The following WDR74 variants were observed in gnomAD, a reference collection of about 807,000 sequenced individuals.
WDR74 encodes the protein WD repeat domain 74.
Under a neutral mutation model 45.6 loss-of-function variants are expected in WDR74, and 31 were observed. The observed-to-expected ratio is 0.68, with a 90% CI of 0.51 to 0.92. The LOEUF (loss-of-function observed/expected upper bound fraction) is 0.92. Ranked by LOEUF, WDR74 falls within the 40% of genes least tolerant of loss-of-function variation. The pLI is 0.00. For synonymous variants in WDR74, 191 were observed against 192.4 expected (o/e 0.99, Z 0.06); for missense variants, 455 against 497.2 (o/e 0.92, Z 0.81).
chr11:62,835,524 A>G lies in WDR74; in HGVS notation c.525T>C (p.Asn175=). The change falls in exon 6 of 11, where the codon AAT becomes AAC. Residue 175 remains asparagine, a synonymous_variant. Coordinates refer to ENST00000278856, the MANE Select transcript of WDR74 (RefSeq NM_001369450.1). ...EPVFRAKNVR[N]DWLDLRVPIW... is the part of the protein sequence containing the mutation. ...TGGGAACCCGCAAGTCCAGCCAGTCATTCCGCACCTGGTGGGGTGGGCAGA... is the reference window on the plus strand; with the variant it reads ...TGGGAACCCGCAAGTCCAGCCAGTCGTTCCGCACCTGGTGGGGTGGGCAGA... 1 of 1,613,956 alleles carries G rather than the reference A, an allele frequency of 6.2e-7. No individual in the cohort carries two copies. Among genetic ancestry groups the G allele is most frequent in the Non-Finnish European group, 8.5e-7 (1 of 1,179,860 alleles).
upstream of WDR74, chr11:62,839,690 C>G (rs570299604): frequency 8.1e-7 from 1 of 1,236,778 alleles, no homozygotes; most frequent in East Asian, 2.5e-5. Flanking sequence ...AACAGTAAAG[C>G]TTCCATGCTT....
rs750187611 is a variant in WDR74 at position 62,839,332 on chromosome 11, C to T, written c.161G>A (p.Gly54Asp). 8.7e-6 allele frequency: 14 copies of T among 1,610,804 alleles called. No homozygotes were observed. In the South Asian group the frequency reaches 1.5e-4, roughly 18 times the overall value. ...CCAGGGGCCACTCACCTGGGTCTCG[C>T]CGCCGGTGCCCCAACACAGGGCGCT... is the stretch of plus-strand genomic sequence containing the variant. ...AVSALCWGTG[G>D]ETQMLVGCAD... is the part of the protein sequence containing the mutation. Residue 54 changes from glycine to aspartate, a missense_variant, in exon 2 of 11, where the codon GGC becomes GAC. Physicochemically the swap from Gly to Asp is moderately conservative, Grantham distance 94 (BLOSUM62 -1). Coordinates refer to ENST00000278856, the MANE Select transcript of WDR74 (RefSeq NM_001369450.1).
intron 10 of WDR74, 79 bp downstream of exon 10, chr11:62,833,539 G>A: frequency 6.7e-7 from 1 of 1,497,972 alleles, no homozygotes; most frequent in Non-Finnish European, 9.1e-7. Flanking sequence ...CTGCATTCCA[G>A]CTGCCTCCTT....
At chr11:62,839,269 C>G (rs1243350672) in intron 2 of WDR74, 34 bp from the exon 3 acceptor site, 2 of 1,612,146 alleles carry the variant, frequency 1.2e-6, no homozygotes, top group African/African-American at 1.3e-5. Flanking sequence ...GCGAGGAGAG[C>G]GAGGCTGCTG....
chr11:62,840,402 G>C (rs906116601), upstream of WDR74: 1 of 151,686 alleles, frequency 6.6e-6, no homozygotes, highest in Non-Finnish European at 1.5e-5. Flanking sequence ...AGAATGGCGT[G>C]AACCCGGGAG....
Position 62,834,408 on chromosome 11 carries a change from T to A in WDR74, c.719+19A>T. ...TTCTCAAGCCCCACCCTCCCACCCC[T>A]TCCCCTCTAAACACTCACTTGCCTC... On this transcript the variant is annotated intron_variant, in intron 7 of 10. Coordinates refer to ENST00000278856, the MANE Select transcript of WDR74 (RefSeq NM_001369450.1). 3.3e-6 allele frequency: 1 copy of A among 299,064 alleles called. No homozygotes were observed. 18.5% of individuals were successfully genotyped at this position (299,064 alleles called of 1,614,324 possible). A position where few individuals can be genotyped will look rare whatever the true frequency, so the allele number is the denominator to read the frequency against.
chr11:62,835,365 G>A (rs989664750), intron 6 of WDR74, 66 bp downstream of exon 6: 10 of 1,463,456 alleles, frequency 6.8e-6, no homozygotes, highest in African/African-American at 4.2e-5. Flanking sequence ...GTGTCAAACC[G>A]TGGGGGCCAT....
intron 6 of WDR74, chr11:62,834,978 C>T (rs554897083): frequency 8.3e-5 from 18 of 216,208 alleles, no homozygotes; most frequent in African/African-American, 1.1e-4. Flanking sequence ...GACCCAGCCC[C>T]GCCCGTGTCT....
At chr11:62,841,709 A>G (rs1046137822), upstream of WDR74, 7 of 152,202 alleles carry the variant, frequency 4.6e-5, no homozygotes, top group South Asian at 2.1e-4. Flanking sequence ...TATTTCCAAA[A>G]ATCCATTTAA....
upstream of WDR74, chr11:62,839,757 A>G: frequency 1.4e-6 from 1 of 729,072 alleles, no homozygotes; most frequent in Admixed American, 3.1e-5. Flanking sequence ...TCGGAAGAAT[A>G]CATTGATCAT....
In WDR74 at chr11:62,834,661, T is replaced by C. The variant is rs76320591; in HGVS notation, c.619-134A>G. 4,434 of 736,892 alleles carry C rather than the reference T, an allele frequency of 6.0e-3. 138 individuals carry two copies. The African/African-American group carries it at 0.069, about 11-fold the overall frequency. 45.6% of individuals were successfully genotyped at this position (736,892 alleles called of 1,614,324 possible). ...CTCCCAGAAACTTTCTCATCTTAGA[T>C]GTATGCCTCTTCTCTGAGCATCAGG... On this transcript the variant is annotated intron_variant, in intron 6 of 10. Coordinates refer to ENST00000278856, the MANE Select transcript of WDR74 (RefSeq NM_001369450.1).
At chr11:62,833,413 CT>C in intron 10 of WDR74, 1 of 696,944 alleles carries the variant, frequency 1.4e-6, no homozygotes, top group South Asian at 2.0e-5. Flanking sequence ...CCTTTATTCC[CT>C]GCTCCTAGAA....
At chr11:62,841,000 C>T (rs1478236001), upstream of WDR74, among the ~76,000 whole-genome samples, 4 of 149,562 alleles carry the variant, frequency 2.7e-5, no homozygotes, top group Middle Eastern at 3.5e-3. Flanking sequence ...CTGGTTAACA[C>T]GTTGTGAAAC....
At chr11:62,833,544 C>G in intron 10 of WDR74, 74 bp downstream of exon 10, 1 of 1,516,830 alleles carries the variant, frequency 6.6e-7, no homozygotes, top group Non-Finnish European at 8.9e-7. Context: ...TTCCAGCTGC[C>G]TCCTTTTCCT....
upstream of WDR74, among the ~76,000 whole-genome samples, chr11:62,841,224 G>GA (rs1298193587): frequency 3.3e-5 from 5 of 152,180 alleles, no homozygotes; most frequent in Non-Finnish European, 7.3e-5. Context: ...GGCTGATGCA[G>GA]GAGAATCGCA....
At chr11:62,835,153 C>T (rs2084939492) in intron 6 of WDR74, 1 of 406,272 alleles carries the variant, frequency 2.5e-6, no homozygotes, top group Admixed American at 4.0e-5. Flanking sequence ...AGCCCAATGT[C>T]CTCTGACACC....
upstream of WDR74, chr11:62,840,039 T>TCAAC (rs2085024667): frequency 6.4e-6 from 1 of 155,546 alleles, no homozygotes; most frequent in African/African-American, 2.4e-5. Flanking sequence ...TTCGCCCTTG[T>TCAAC]TGCCCAGGCT....
At chr11:62,836,965 A>G (rs1189254559) in intron 3 of WDR74, among the ~76,000 whole-genome samples, 1 of 152,138 alleles carries the variant, frequency 6.6e-6, no homozygotes, top group African/African-American at 2.4e-5. Context: ...AGTCCTAGCT[A>G]CTTGGGAAGT....
chr11:62,841,621 A>T (rs149619060), upstream of WDR74: 1 of 152,212 alleles, frequency 6.6e-6, no homozygotes, highest in Non-Finnish European at 1.5e-5. Flanking sequence ...CCCCGAAGGG[A>T]GAGTGCACCG....
Sources: gnomAD v4.1 joint callset for allele counts (sites outside exome capture counted in the v4.1 genomes callset) on GRCh38, gnomAD v4.1.1 for gene constraint, MANE v1.5 for transcripts, NCBI Gene and HGNC (gene_info 2026-07-23, HGNC 2026-07-21) for gene names.